Variants in FRMPD3 observed in about 807,000 individuals in gnomAD.
FRMPD3 encodes FERM and PDZ domain-containing protein 3.
A neutral mutation model predicts 97.9 loss-of-function variants in FRMPD3; 42 were observed. The ratio of observed to expected loss-of-function variants is 0.43; its 90% CI spans 0.34 to 0.55. The LOEUF (loss-of-function observed/expected upper bound fraction) is 0.55, where lower values mean the gene tolerates loss of function less well. Ranked by LOEUF, FRMPD3 falls within the 20% of genes least tolerant of loss-of-function variation. The pLI is 0.03. For synonymous variants in FRMPD3, 577 were observed against 581.1 expected, an observed-to-expected ratio of 0.99 and a Z score of 0.10; for missense variants, 1,303 against 1,457.7, an observed-to-expected ratio of 0.89 and a Z score of 1.73.
chrX:107,579,917 G>A (rs1923306347), intron 13 of FRMPD3, among the ~76,000 whole-genome samples: 1 of 111,975 alleles, frequency 8.9e-6, no homozygotes. Flanking sequence ...CAATTTTCAT[G>A]TAGTTAAAAC....
rs753222768 is a variant in FRMPD3 at position 107,539,835 on chromosome X, G to A, written c.298-5902G>A. On this transcript the variant is annotated intron_variant, in intron 4 of 14. Coordinates refer to ENST00000683843, the MANE Select transcript of FRMPD3 (RefSeq NM_001388459.1). ...TTATACAGCCTGGTTGGGGATGTGAGCAATGGCAGTGTGGATTAACAGGAG... is the reference window on the plus strand; with the variant it reads ...TTATACAGCCTGGTTGGGGATGTGAACAATGGCAGTGTGGATTAACAGGAG... 2.7e-5 allele frequency among the ~76,000 whole-genome samples: 3 copies of A among 111,698 alleles called. No homozygotes were observed. In the South Asian group the frequency reaches 1.1e-3, roughly 42 times the overall value.
At chrX:107,554,773 C>T in intron 8 of FRMPD3, 1 of 314,517 alleles carries the variant, frequency 3.2e-6, no homozygotes, top group East Asian at 5.1e-5. Flanking sequence ...CTCTGGCATC[C>T]TCACAGGATC....
At position 107,582,163 on chromosome X, in the gene FRMPD3, C is replaced by A. The variant is rs779293149; in HGVS notation, c.1441+5704C>A. ...GAGGGTTAAATTTTAACCGTATCTT[C>A]ACCAACACTTGTTACTGTCCATCTT... On this transcript the variant is annotated intron_variant, in intron 13 of 14. Coordinates refer to ENST00000683843, the MANE Select transcript of FRMPD3 (RefSeq NM_001388459.1). 1.2e-4 allele frequency among the ~76,000 whole-genome samples: 13 copies of A among 111,087 alleles called. No homozygotes were observed. In the East Asian group the frequency reaches 3.7e-3, roughly 32 times the overall value.
intron 2 of FRMPD3, among the ~76,000 whole-genome samples, chrX:107,527,614 G>A (rs1226708535): frequency 8.9e-6 from 1 of 112,197 alleles, no homozygotes; most frequent in African/African-American, 3.2e-5. Flanking sequence ...GTTTTGTTTC[G>A]AATCTGCTAG....
chrX:107,497,550 A>T (rs991407521), intron 1 of FRMPD3, among the ~76,000 whole-genome samples: 3 of 112,210 alleles, frequency 2.7e-5, no homozygotes, highest in African/African-American at 9.7e-5. Flanking sequence ...GCAGACTGGC[A>T]TCTGTCAGCT....
chrX:107,454,470 T>TCTCAC (rs1292010951), intron 1 of FRMPD3, among the ~76,000 whole-genome samples: 4 of 110,932 alleles, frequency 3.6e-5, no homozygotes, highest in Non-Finnish European at 7.5e-5. Flanking sequence ...GACTCACTCT[T>TCTCAC]CTCACCTTTC....
At chrX:107,581,880 C>T (rs1034856539) in intron 13 of FRMPD3, among the ~76,000 whole-genome samples, 1 of 111,728 alleles carries the variant, frequency 9.0e-6, no homozygotes, top group African/African-American at 3.3e-5. Flanking sequence ...ATGGATATAC[C>T]ACATTCCTTT....
At chrX:107,569,778 G>A (rs1922793749) in intron 12 of FRMPD3, among the ~76,000 whole-genome samples, 2 of 112,275 alleles carry the variant, frequency 1.8e-5, no homozygotes, top group Admixed American at 9.4e-5. Context: ...CACTTTGGGA[G>A]GCTGAGATGG....
At chrX:107,469,750 A>T (rs764715325) in intron 1 of FRMPD3, among the ~76,000 whole-genome samples, 24 of 112,572 alleles carry the variant, frequency 2.1e-4, no homozygotes, top group African/African-American at 7.4e-4. Context: ...GGATTAAATG[A>T]GTTAATAATT....
chrX:107,499,107 GA>G (rs1259710236), intron 1 of FRMPD3, among the ~76,000 whole-genome samples: 1 of 109,920 alleles, frequency 9.1e-6, no homozygotes, highest in African/African-American at 3.3e-5. Flanking sequence ...AAAAAAAAAA[GA>G]AAAAAGACAT....
intron 1 of FRMPD3, among the ~76,000 whole-genome samples, chrX:107,516,827 A>G (rs377245064): frequency 9.1e-5 from 10 of 109,702 alleles, no homozygotes; most frequent in Non-Finnish European, 1.7e-4. Context: ...TCTGTAGGTT[A>G]CCTGTTCACT....
chrX:107,561,639 G>A (rs1221943491), intron 10 of FRMPD3, among the ~76,000 whole-genome samples: 1 of 112,280 alleles, frequency 8.9e-6, no homozygotes, highest in Non-Finnish European at 1.9e-5. Flanking sequence ...AGAAGCAGGA[G>A]AGTGGTGAGA....
In FRMPD3 at chrX:107,604,286, TG is replaced by T. The variant is rs1309536782; in HGVS notation, c.*919del. The T allele has an allele frequency of 4.9e-4, 2 of 4,067 alleles. No individual in the cohort carries two copies. The highest frequency in any genetic ancestry group is 9.0e-4 in the Non-Finnish European group (2 of 2,231). 0.3% of individuals were successfully genotyped at this position (4,067 alleles called of 1,213,427 possible). ...CTTAGCTGTGGATCGGGGAGGGGGG[TG>T]GGGGGAGGGGGGAAAGGGGTAGGGG... On this transcript the variant is annotated 3_prime_UTR_variant, in exon 15 of 15. Transcript: ENST00000683843.
intron 1 of FRMPD3, among the ~76,000 whole-genome samples, chrX:107,505,927 CG>C (rs1922019082): frequency 9.0e-6 from 1 of 111,670 alleles, no homozygotes; most frequent in African/African-American, 3.3e-5. Context: ...ATTCTCTCCA[CG>C]TTGTCTCTGC....
chrX:107,458,718 T>C (rs1931417621), intron 1 of FRMPD3, among the ~76,000 whole-genome samples: 1 of 111,369 alleles, frequency 9.0e-6, no homozygotes, highest in Non-Finnish European at 1.9e-5. Flanking sequence ...GGGTAAACCT[T>C]GGGGGCTGTC....
At chrX:107,525,323 T>TCCTTCC (rs1922655250) in intron 1 of FRMPD3, among the ~76,000 whole-genome samples, 1 of 111,729 alleles carries the variant, frequency 9.0e-6, no homozygotes, top group Non-Finnish European at 1.9e-5. Flanking sequence ...TTCCTCCTTT[T>TCCTTCC]ACCTTCTTCC....
intron 4 of FRMPD3, among the ~76,000 whole-genome samples, chrX:107,539,463 A>G (rs1447913567): frequency 8.9e-6 from 1 of 111,879 alleles, no homozygotes; most frequent in African/African-American, 3.3e-5. Flanking sequence ...CCGGATTATG[A>G]CCAAGAATGA....
chrX:107,480,036 T>TA (rs371473523), intron 1 of FRMPD3, among the ~76,000 whole-genome samples: 1,279 of 95,374 alleles, frequency 0.013, 12 homozygotes, highest in African/African-American at 0.038. Flanking sequence ...CTGTCTCATT[T>TA]AAAAAAAAAA....
In FRMPD3 at chrX:107,601,048, C is replaced by T; in HGVS notation, c.3009C>T (p.Ala1003=). 8.3e-7 allele frequency: 1 copy of T among 1,206,018 alleles called. No homozygotes were observed. The highest frequency in any genetic ancestry group is 1.1e-6 in the Non-Finnish European group (1 of 893,069). The change falls in exon 15 of 15, where the codon GCC becomes GCT. Residue 1003 remains alanine, a synonymous_variant. Coordinates refer to ENST00000683843, the MANE Select transcript of FRMPD3 (RefSeq NM_001388459.1). ...RPEVSMMSSS[A]SKNLKFKISP... is the part of the protein sequence containing the mutation. ...AGGTTAGCATGATGAGCAGCAGTGC[C>T]AGTAAGAATCTGAAGTTCAAAATTA...
Sources: allele counts gnomAD v4.1 joint callset (sites outside exome capture counted in the v4.1 genomes callset), GRCh38; gene constraint gnomAD v4.1.1; transcripts MANE v1.5; gene names NCBI Gene and HGNC (gene_info 2026-07-23, HGNC 2026-07-21).